Variants in SLC44A1 observed in about 807,000 individuals in gnomAD.
SLC44A1 encodes the protein choline transporter-like protein 1.
SLC44A1 carries 26 observed loss-of-function variants against 79.3 expected under a neutral mutation model. The observed-to-expected ratio is 0.33, with a 90% CI of 0.24 to 0.46. SLC44A1 has a LOEUF of 0.46. Ranked by LOEUF, SLC44A1 falls within the 20% of genes least tolerant of loss-of-function variation. SLC44A1 has a pLI of 1.00. For synonymous variants in SLC44A1, 263 were observed against 286.2 expected, an observed-to-expected ratio of 0.92 and a Z score of 0.82; for missense variants, 688 against 798.1, an observed-to-expected ratio of 0.86 and a Z score of 1.66.
chr9:105,277,040 G>A (rs929401275), intron 1 of SLC44A1, among the ~76,000 whole-genome samples: 17 of 152,194 alleles, frequency 1.1e-4, no homozygotes, highest in African/African-American at 3.9e-4. Flanking sequence ...TGACTTGAAC[G>A]AGAGTGGTAG....
At chr9:105,421,490 A>G (rs781737597) in intron 15 of SLC44A1, among the ~76,000 whole-genome samples, 1 of 152,178 alleles carries the variant, frequency 6.6e-6, no homozygotes, top group Non-Finnish European at 1.5e-5. Context: ...GTTCTGGATT[A>G]CAGGAGTTTA....
intron 1 of SLC44A1, among the ~76,000 whole-genome samples, chr9:105,252,490 G>T (rs1232663446): frequency 1.3e-5 from 2 of 152,154 alleles, no homozygotes; most frequent in African/African-American, 4.8e-5. Context: ...TTAACAGCAT[G>T]TTCAGGGCTC....
chr9:105,361,367 T>G lies in SLC44A1; in HGVS notation c.900+37T>G. On this transcript the variant is annotated intron_variant, in intron 8 of 15. Coordinates refer to ENST00000374720, the MANE Select transcript of SLC44A1 (RefSeq NM_080546.5). The stretch of plus-strand genomic sequence containing the variant: ...CTTTGGCGTGTCTTTCGGTTTTGTG[T>G]TTTTGTTTGCAGGAGATCATTAATG... 1.9e-6 allele frequency: 3 copies of G among 1,545,328 alleles called. No individual in the cohort carries two copies. In the East Asian group the frequency reaches 6.8e-5, roughly 35 times the overall value.
intron 4 of SLC44A1, among the ~76,000 whole-genome samples, chr9:105,344,485 C>T (rs1049691302): frequency 6.6e-6 from 1 of 152,066 alleles, no homozygotes; most frequent in African/African-American, 2.4e-5. Context: ...AGGACAGCCC[C>T]CTACAACCAA....
intron 4 of SLC44A1, among the ~76,000 whole-genome samples, chr9:105,341,038 T>C (rs2131368833): frequency 6.6e-6 from 1 of 152,126 alleles, no homozygotes; most frequent in South Asian, 2.1e-4. Flanking sequence ...CAGACAAATA[T>C]AAAAATGTGA....
At chr9:105,402,975 CTTTTT>C (rs780060821) in intron 15 of SLC44A1, among the ~76,000 whole-genome samples, 1 of 66,376 alleles carries the variant, frequency 1.5e-5, no homozygotes, top group East Asian at 4.1e-4. Context: ...TCACACCCAG[CTTTTT>C]TTTTTTTTTT....
At chr9:105,369,220 A>G (rs1459332616) in intron 12 of SLC44A1, among the ~76,000 whole-genome samples, 1 of 152,220 alleles carries the variant, frequency 6.6e-6, no homozygotes, top group Non-Finnish European at 1.5e-5. Flanking sequence ...GGTGGCTTCT[A>G]AACAACAGAA....
In SLC44A1 at chr9:105,299,290, T is replaced by A; in HGVS notation, c.107T>A (p.Ile36Asn). The change falls in exon 2 of 16, where the codon ATC becomes AAC. Residue 36 changes from isoleucine (I) to asparagine (N), a missense_variant. Coordinates refer to ENST00000374720, the MANE Select transcript of SLC44A1 (RefSeq NM_080546.5). Reference sequence around the variant, plus strand: ...GACATACCATGGCTGCTGCTCTTCATCCTCTTCTGCATTGGGATGGTAAGG... The same window carrying A: ...GACATACCATGGCTGCTGCTCTTCAACCTCTTCTGCATTGGGATGGTAAGG... Reference protein sequence around the residue: ...CTDIPWLLLFILFCIGMGFIC... With the variant: ...CTDIPWLLLFNLFCIGMGFIC... 1 of 1,591,712 alleles carries A rather than the reference T, an allele frequency of 6.3e-7. No homozygotes were observed. Among genetic ancestry groups the A allele is most frequent in the Non-Finnish European group, 8.5e-7 (1 of 1,172,290 alleles).
intron 3 of SLC44A1, among the ~76,000 whole-genome samples, chr9:105,326,262 G>T (rs1309318353): frequency 6.6e-6 from 1 of 152,104 alleles, no homozygotes; most frequent in Non-Finnish European, 1.5e-5. Flanking sequence ...GTAGGGATGG[G>T]GTCTGGCTGT....
chr9:105,276,744 G>A (rs1830215943), intron 1 of SLC44A1, among the ~76,000 whole-genome samples: 1 of 152,112 alleles, frequency 6.6e-6, no homozygotes, highest in Admixed American at 6.6e-5. Context: ...AAGTCAGGAG[G>A]CAATCCTGAG....
intron 4 of SLC44A1, among the ~76,000 whole-genome samples, chr9:105,342,993 T>TAC (rs766615262): frequency 0.045 from 6,805 of 150,718 alleles, 211 homozygotes; most frequent in South Asian, 0.098. Flanking sequence ...AAAAAATATA[T>TAC]ATATATAAAT....
rs1476202815 is a variant in SLC44A1, at chr9:105,383,370, C to T, written c.1869+11C>T. The T allele has an allele frequency of 1.4e-6, 2 of 1,408,548 alleles. No individual in the cohort carries two copies. Among genetic ancestry groups the T allele is most frequent in the Non-Finnish European group, 2.0e-6 (2 of 993,790 alleles). 87.3% of individuals were successfully genotyped at this position (1,408,548 alleles called of 1,614,324 possible). A position where few individuals can be genotyped will look rare whatever the true frequency, so the allele number is the denominator to read the frequency against. ...GATAAAGTGCTGATGGTAAGTACTT[C>T]AAATGCCGTTTCCTATTTTAGGGAT... On this transcript the variant is annotated intron_variant, in intron 14 of 15. Transcript: ENST00000374720.
At chr9:105,405,182 G>A (rs1829012746) in intron 15 of SLC44A1, among the ~76,000 whole-genome samples, 1 of 152,074 alleles carries the variant, frequency 6.6e-6, no homozygotes, top group East Asian at 1.9e-4. Flanking sequence ...TTAGCTGGGT[G>A]TGATGGCGGG....
chr9:105,410,134 A>C (rs1273698607), intron 15 of SLC44A1, among the ~76,000 whole-genome samples: 1 of 152,242 alleles, frequency 6.6e-6, no homozygotes, highest in Non-Finnish European at 1.5e-5. Flanking sequence ...ACCTCTTAGA[A>C]GAACTCATAG....
chr9:105,261,112 G>A (rs1829828785), intron 1 of SLC44A1, among the ~76,000 whole-genome samples: 1 of 152,094 alleles, frequency 6.6e-6, no homozygotes, highest in African/African-American at 2.4e-5. Context: ...TAATTCTGGT[G>A]GGCTTTTGAA....
At chr9:105,401,868 A>G (rs1048717652), downstream of SLC44A1, among the ~76,000 whole-genome samples, 2 of 152,236 alleles carry the variant, frequency 1.3e-5, no homozygotes, top group Non-Finnish European at 2.9e-5. Flanking sequence ...AGTAGCTCAC[A>G]GCCTAATGAG....
At chr9:105,426,528 T>C (rs1829324986) in intron 15 of SLC44A1, among the ~76,000 whole-genome samples, 2 of 152,220 alleles carry the variant, frequency 1.3e-5, no homozygotes, top group Admixed American at 1.3e-4. Flanking sequence ...TTGCTATTTC[T>C]TGAGCAGCTT....
In SLC44A1 at chr9:105,396,098, TG is replaced by T; in HGVS notation, c.*7046del. On this transcript the variant is annotated 3_prime_UTR_variant, in exon 16 of 16. Transcript: ENST00000374720. ...ATTTTGATTTTCAGAGATGATCACA[TG>T]GGGACAGTTAACTTTTCTTCTGCTG... is the stretch of plus-strand genomic sequence containing the variant. 7.1e-6 allele frequency: 7 copies of T among 985,354 alleles called. No homozygotes were observed. The highest frequency in any genetic ancestry group is 8.4e-6 in the Non-Finnish European group (7 of 829,912). 61.0% of individuals were successfully genotyped at this position (985,354 alleles called of 1,614,324 possible).
At position 105,390,188 on chromosome 9, in the gene SLC44A1, T is replaced by A. The variant is rs909215951; in HGVS notation, c.*1132T>A. Reference sequence around the variant, plus strand: ...TTTTGTTTGGGGGTGGGTTTGGGGTTTTTTGCTTTTTTATTCCTGAAGCTT... The same window carrying A: ...TTTTGTTTGGGGGTGGGTTTGGGGTATTTTGCTTTTTTATTCCTGAAGCTT... On this transcript the variant is annotated 3_prime_UTR_variant, in exon 16 of 16. Coordinates refer to ENST00000374720, the MANE Select transcript of SLC44A1 (RefSeq NM_080546.5). 1 of 1,172,386 alleles carries A rather than the reference T, an allele frequency of 8.5e-7. No individual in the cohort carries two copies. Among genetic ancestry groups the A allele is most frequent in the African/African-American group, 1.6e-5 (1 of 63,268 alleles). 72.6% of individuals were successfully genotyped at this position (1,172,386 alleles called of 1,614,324 possible).
Sources: allele counts gnomAD v4.1 joint callset (sites outside exome capture counted in the v4.1 genomes callset), GRCh38; gene constraint gnomAD v4.1.1; transcripts MANE v1.5; gene names NCBI Gene and HGNC (gene_info 2026-07-23, HGNC 2026-07-21).